The following ELP4 variants were observed in gnomAD, a reference collection of about 807,000 sequenced individuals.
The protein encoded by ELP4 is elongator complex protein 4.
ELP4 carries 51 observed loss-of-function variants against 48.9 expected under a neutral mutation model. The ratio of observed to expected loss-of-function variants is 1.04; its 90% CI spans 0.83 to 1.32. The LOEUF is 1.32. ELP4 is among the 40% of genes most tolerant of loss of function. The pLI is 0.00. For missense variants in ELP4, 519 were observed against 514.6 expected, an observed-to-expected ratio of 1.01 and a Z score of -0.08; for synonymous variants, 210 against 189.2, an observed-to-expected ratio of 1.11 and a Z score of -0.90.
At chr11:31,706,202 G>T (rs1946628262) in intron 9 of ELP4, among the ~76,000 whole-genome samples, 1 of 152,006 alleles carries the variant, frequency 6.6e-6, no homozygotes, top group Non-Finnish European at 1.5e-5. Flanking sequence ...ATAGGGATTA[G>T]CTCAGGATAA....
intron 1 of ELP4, among the ~76,000 whole-genome samples, chr11:31,515,836 C>T (rs559571923): frequency 1.3e-5 from 2 of 152,232 alleles, no homozygotes; most frequent in South Asian, 4.2e-4. Flanking sequence ...TCTGGCTGGG[C>T]GCAGTGGCTC....
chr11:31,547,434 A>G (rs748260011), intron 3 of ELP4, among the ~76,000 whole-genome samples: 1 of 152,230 alleles, frequency 6.6e-6, no homozygotes, highest in Non-Finnish European at 1.5e-5. Flanking sequence ...AGACTAAACC[A>G]GGAGGAAGTT....
At chr11:31,735,115 A>T (rs903308651) in intron 9 of ELP4, among the ~76,000 whole-genome samples, 1 of 150,666 alleles carries the variant, frequency 6.6e-6, no homozygotes, top group East Asian at 2.0e-4. Context: ...AGGAAACGGT[A>T]GTGTTTTCAA....
intron 2 of ELP4, among the ~76,000 whole-genome samples, chr11:31,522,036 A>G (rs1224256150): frequency 6.6e-6 from 1 of 152,136 alleles, no homozygotes. Flanking sequence ...ATAGTAGACA[A>G]TTTTTAATAA....
chr11:31,573,759 G>C (rs778413030), intron 3 of ELP4: 1 of 151,434 alleles, frequency 6.6e-6, no homozygotes, highest in African/African-American at 2.4e-5. Context: ...CACAAACATT[G>C]AGTATTTATC....
At chr11:31,744,420 C>T (rs571939122) in intron 9 of ELP4, among the ~76,000 whole-genome samples, 5 of 152,272 alleles carry the variant, frequency 3.3e-5, no homozygotes, top group Admixed American at 1.3e-4. Context: ...GATACCAAAG[C>T]CTGGCAGAGA....
intron 9 of ELP4, among the ~76,000 whole-genome samples, chr11:31,725,010 T>A (rs1427085407): frequency 6.6e-6 from 1 of 152,212 alleles, no homozygotes; most frequent in Non-Finnish European, 1.5e-5. Flanking sequence ...TTCTCCCTCC[T>A]CTTTGCAAGA....
chr11:31,555,025 T>TA (rs1276717658), intron 3 of ELP4, among the ~76,000 whole-genome samples: 1 of 152,200 alleles, frequency 6.6e-6, no homozygotes, highest in Non-Finnish European at 1.5e-5. Flanking sequence ...TAAAGCCACT[T>TA]ACACAGATGA....
At chr11:31,772,028 C>T (rs1948156364) in intron 9 of ELP4, among the ~76,000 whole-genome samples, 1 of 152,088 alleles carries the variant, frequency 6.6e-6, no homozygotes, top group South Asian at 2.1e-4. Context: ...TCCAGAAAGG[C>T]CTTCGCCTAC....
At position 31,726,901 on chromosome 11, in the gene ELP4, T is replaced by G. The variant is rs143756079; in HGVS notation, c.1144-56492T>G. On this transcript the variant is annotated intron_variant, in intron 9 of 9. Transcript: ENST00000640961. ...AATAAACAATAAACAGAAACATAAT[T>G]TATAATGAACTCTGTTTCTGAGTAG... is the stretch of plus-strand genomic sequence containing the variant. Among the ~76,000 whole-genome samples, 362 of 152,328 alleles carry G rather than the reference T, an allele frequency of 2.4e-3. 1 individual carries two copies. Among genetic ancestry groups the G allele is most frequent in the African/African-American group, 8.2e-3 (340 of 41,580 alleles).
intron 9 of ELP4, among the ~76,000 whole-genome samples, chr11:31,687,913 G>A (rs1219307260): frequency 6.6e-6 from 1 of 152,156 alleles, no homozygotes; most frequent in Non-Finnish European, 1.5e-5. Context: ...TAAATTGTGT[G>A]ATTTCCATGA....
intron 5 of ELP4, among the ~76,000 whole-genome samples, chr11:31,615,554 A>G (rs931575060): frequency 6.6e-6 from 1 of 152,074 alleles, no homozygotes; most frequent in Non-Finnish European, 1.5e-5. Flanking sequence ...TTCGAAAAAA[A>G]TGTAACTACT....
intron 3 of ELP4, chr11:31,580,597 T>G (rs1957373276): frequency 6.5e-6 from 1 of 152,732 alleles, no homozygotes; most frequent in Non-Finnish European, 1.5e-5. Flanking sequence ...TCTTGCTGTC[T>G]CTCGCACACG....
chr11:31,568,152 T>C (rs1957143176), intron 3 of ELP4, among the ~76,000 whole-genome samples: 1 of 152,152 alleles, frequency 6.6e-6, no homozygotes, highest in Admixed American at 6.5e-5. Flanking sequence ...AGCATTTCTA[T>C]ACACCAATAA....
chr11:31,594,964 C>T, intron 4 of ELP4, 63 bp downstream of exon 4: 5 of 1,408,236 alleles, frequency 3.6e-6, no homozygotes, highest in Middle Eastern at 1.8e-4. Context: ...CTTACAGAAT[C>T]TCTTGTGGTA....
At chr11:31,557,765 G>A (rs1252830918) in intron 3 of ELP4, among the ~76,000 whole-genome samples, 1 of 151,980 alleles carries the variant, frequency 6.6e-6, no homozygotes, top group Non-Finnish European at 1.5e-5. Flanking sequence ...CAGAACAAAA[G>A]CCATACAGTG....
At chr11:31,579,925 A>G (rs892135759) in intron 3 of ELP4, among the ~76,000 whole-genome samples, 1 of 152,164 alleles carries the variant, frequency 6.6e-6, no homozygotes, top group African/African-American at 2.4e-5. Flanking sequence ...CCTAGAACTT[A>G]AAGTATAAAA....
At chr11:31,551,535 T>A (rs1402644617) in intron 3 of ELP4, among the ~76,000 whole-genome samples, 1 of 152,200 alleles carries the variant, frequency 6.6e-6, no homozygotes, top group Non-Finnish European at 1.5e-5. Context: ...AACTAGATCT[T>A]GTTAAGACAA....
intron 9 of ELP4, among the ~76,000 whole-genome samples, chr11:31,743,721 C>T (rs1234489984): frequency 3.3e-5 from 5 of 151,712 alleles, no homozygotes; most frequent in Non-Finnish European, 7.4e-5. Context: ...CACAACATAC[C>T]AGAATCTCTG....
Sources: allele counts gnomAD v4.1 joint callset (sites outside exome capture counted in the v4.1 genomes callset), GRCh38; gene constraint gnomAD v4.1.1; transcripts MANE v1.5; gene names NCBI Gene and HGNC (gene_info 2026-07-23, HGNC 2026-07-21).